PCA3: variants seen among roughly 807,000 people sequenced by gnomAD.
The protein encoded by PCA3 is prostate cancer associated 3.
chr9:76,778,105 A>G (rs1217740645), intron 2 of PCA3, among the ~76,000 whole-genome samples: 1 of 152,216 alleles, frequency 6.6e-6, no homozygotes, highest in Non-Finnish European at 1.5e-5. Context: ...AAAAAATACC[A>G]ATGACTGGGT....
intron 2 of PCA3, among the ~76,000 whole-genome samples, chr9:76,765,483 C>T (rs141325491): frequency 9.6e-4 from 146 of 152,268 alleles, no homozygotes; most frequent in African/African-American, 3.4e-3. Flanking sequence ...GGAAGGCATA[C>T]AGAATAGAGA....
At chr9:76,768,577 ATATG>A (rs751700350) in intron 2 of PCA3, among the ~76,000 whole-genome samples, 1,361 of 98,158 alleles carry the variant, frequency 0.014, 20 homozygotes, top group African/African-American at 0.041. Context: ...ATATATATGT[ATATG>A]TATGTGTGTG....
intron 2 of PCA3, among the ~76,000 whole-genome samples, chr9:76,768,869 A>G (rs2052760153): frequency 6.6e-6 from 1 of 152,188 alleles, no homozygotes. Flanking sequence ...GTAAGTCTTT[A>G]CTTTGCATAA....
rs756648285 is a variant in PCA3 at position 76,774,457 on chromosome 9, T to TATTTATTTATTTATTTATTTATTTA, written n.853-34126_853-34125insATTTATTTATTTATTTATTTATTTA. ...CTGGCCTCCAGTTCAACCCTTTTTT[T>TATTTATTTATTTATTTATTTATTTA]TTTTTTTTTTTTTTTTTTTTGAGAT... On this transcript the variant is annotated intron_variant and non_coding_transcript_variant, in intron 2 of 5. Transcript: ENST00000644657. Among the ~76,000 whole-genome samples, 143 of 73,562 alleles carry TATTTATTTATTTATTTATTTATTTA rather than the reference T, an allele frequency of 1.9e-3. 4 individuals are homozygous for TATTTATTTATTTATTTATTTATTTA. In the Middle Eastern group the frequency reaches 0.025, roughly 13 times the overall value. The allele number at this position is 73,562 out of a possible 152,430, so 48.3% of individuals were successfully genotyped here. A position where few individuals can be genotyped will look rare whatever the true frequency, so the allele number is the denominator to read the frequency against.
At chr9:76,767,296 A>T (rs555206112) in intron 2 of PCA3, among the ~76,000 whole-genome samples, 1 of 152,122 alleles carries the variant, frequency 6.6e-6, no homozygotes. Context: ...TACTAAAAAT[A>T]CAAAATTATC....
chr9:76,767,240 T>G (rs2052508748), intron 2 of PCA3, among the ~76,000 whole-genome samples: 2 of 152,224 alleles, frequency 1.3e-5, no homozygotes, highest in African/African-American at 4.8e-5. Flanking sequence ...TCACTTGAGG[T>G]CGGGAGTTCA....
chr9:76,775,204 C>T (rs1305103981), intron 2 of PCA3, among the ~76,000 whole-genome samples: 1 of 152,164 alleles, frequency 6.6e-6, no homozygotes, highest in African/African-American at 2.4e-5. Context: ...AAACAAGAGT[C>T]TTAGAATTTG....
intron 2 of PCA3, among the ~76,000 whole-genome samples, chr9:76,773,225 G>A (rs2053308503): frequency 6.6e-6 from 1 of 152,136 alleles, no homozygotes; most frequent in Non-Finnish European, 1.5e-5. Context: ...ATTACTGTGT[G>A]CACTGACTGA....
chr9:76,767,533 G>C (rs2052548663), intron 2 of PCA3, among the ~76,000 whole-genome samples: 1 of 151,660 alleles, frequency 6.6e-6, no homozygotes, highest in African/African-American at 2.4e-5. Flanking sequence ...TGACTCCATT[G>C]ATCACCTCTT....
intron 2 of PCA3, among the ~76,000 whole-genome samples, chr9:76,783,241 A>G (rs1472208120): frequency 6.6e-6 from 1 of 152,120 alleles, no homozygotes; most frequent in Non-Finnish European, 1.5e-5. Context: ...TGTTCCAGCA[A>G]TTCTCCTGCC....
chr9:76,775,965 A>AT, intron 2 of PCA3, among the ~76,000 whole-genome samples: 1 of 152,112 alleles, frequency 6.6e-6, no homozygotes, highest in East Asian at 1.9e-4. Context: ...CTTCCAAAAA[A>AT]TTCCAGCATT....
intron 2 of PCA3, among the ~76,000 whole-genome samples, chr9:76,783,360 C>A (rs1315436122): frequency 1.3e-5 from 2 of 152,158 alleles, no homozygotes; most frequent in Non-Finnish European, 2.9e-5. Context: ...TGGTCTTGAA[C>A]TCCTGACCTC....
chr9:76,776,939 C>G (rs948098589), intron 2 of PCA3, among the ~76,000 whole-genome samples: 26 of 128,190 alleles, frequency 2.0e-4, no homozygotes, highest in South Asian at 5.3e-4. Context: ...CACACACACA[C>G]ACACACAAAG....
chr9:76,769,477 C>T (rs2052835612), intron 2 of PCA3, among the ~76,000 whole-genome samples: 2 of 143,526 alleles, frequency 1.4e-5, no homozygotes, highest in Non-Finnish European at 3.0e-5. Context: ...GGCTGGAGTG[C>T]AATGGCACAA....
chr9:76,785,410 G>A (rs945438619), intron 2 of PCA3: 1 of 152,210 alleles, frequency 6.6e-6, no homozygotes, highest in Non-Finnish European at 1.5e-5. Context: ...GGGCACGTTT[G>A]TAAGCCTGGG....
At chr9:76,767,860 T>A (rs1182936258) in intron 2 of PCA3, among the ~76,000 whole-genome samples, 1 of 152,230 alleles carries the variant, frequency 6.6e-6, no homozygotes, top group Non-Finnish European at 1.5e-5. Flanking sequence ...TACCCTTCCA[T>A]GCCCACTATG....
At chr9:76,784,648 G>C (rs774838550) in intron 2 of PCA3, 3 of 152,092 alleles carry the variant, frequency 2.0e-5, no homozygotes, top group African/African-American at 7.2e-5. Context: ...TACTCATTTT[G>C]TTCAAAGACC....
intron 2 of PCA3, among the ~76,000 whole-genome samples, chr9:76,777,608 A>G (rs753239353): frequency 1.3e-5 from 2 of 152,250 alleles, no homozygotes; most frequent in Non-Finnish European, 2.9e-5. Flanking sequence ...AGTATTAAAT[A>G]AAACAGACAA....
At chr9:76,776,518 C>CTTTTTTTTT (rs796197139) in intron 2 of PCA3, among the ~76,000 whole-genome samples, 2 of 122,846 alleles carry the variant, frequency 1.6e-5, no homozygotes, top group African/African-American at 6.1e-5. Context: ...TTTCTTTTTT[C>CTTTTTTTTT]TTTTTTTTTT....
Sources: gnomAD v4.1 joint callset for allele counts (sites outside exome capture counted in the v4.1 genomes callset) on GRCh38, gnomAD v4.1.1 for gene constraint, MANE v1.5 for transcripts, NCBI Gene and HGNC (gene_info 2026-07-23, HGNC 2026-07-21) for gene names.